Variants in PPP3CA observed in about 807,000 individuals in gnomAD.
The protein encoded by PPP3CA is CAM-PRP catalytic subunit.
A neutral mutation model predicts 66.5 loss-of-function variants in PPP3CA; 14 were observed. The ratio of observed to expected loss-of-function variants is 0.21; its 90% CI spans 0.14 to 0.33. The LOEUF is 0.33. PPP3CA is among the 10% of genes least tolerant of loss of function. PPP3CA has a pLI of 1.00. For missense variants in PPP3CA, 317 were observed against 639.5 expected (o/e 0.50, Z 5.44); for synonymous variants, 232 against 226.2 (o/e 1.03, Z -0.23).
At position 101,201,922 on chromosome 4, in the gene PPP3CA, T is replaced by A. The variant is rs535386774; in HGVS notation, c.59-5806A>T. Among the ~76,000 whole-genome samples, 15 of 152,268 alleles carry A rather than the reference T, an allele frequency of 9.9e-5. No homozygotes were observed. In the East Asian group the frequency reaches 2.7e-3, roughly 27 times the overall value. ...GGCACCAACTATGCACTGTATCCCA[T>A]GCTAGGCAGTGAGAGGAGCAGGAAG... On this transcript the variant is annotated intron_variant, in intron 1 of 13. Transcript: ENST00000394854.
At chr4:101,217,317 G>A (rs1246323529) in intron 1 of PPP3CA, among the ~76,000 whole-genome samples, 1 of 152,132 alleles carries the variant, frequency 6.6e-6, no homozygotes, top group Non-Finnish European at 1.5e-5. Context: ...CTACTATTAA[G>A]TAGCAGAGTT....
At chr4:101,035,423 C>T (rs1033393318) in intron 11 of PPP3CA, among the ~76,000 whole-genome samples, 1 of 152,162 alleles carries the variant, frequency 6.6e-6, no homozygotes, top group African/African-American at 2.4e-5. Context: ...TTTTAATCTT[C>T]AAAATTTTAA....
intron 2 of PPP3CA, among the ~76,000 whole-genome samples, chr4:101,152,102 T>C (rs373117420): frequency 2.6e-5 from 4 of 152,244 alleles, no homozygotes; most frequent in Admixed American, 2.0e-4. Flanking sequence ...TTCCGAATAT[T>C]TGAAGAAAGC....
rs559501573 is a variant in PPP3CA at position 101,219,583 on chromosome 4, AATT to A, written c.59-23470_59-23468del. 4.4e-3 allele frequency among the ~76,000 whole-genome samples: 669 copies of A among 152,012 alleles called. 4 individuals carry two copies. Among genetic ancestry groups the A allele is most frequent in the African/African-American group, 0.015 (633 of 41,530 alleles). ...GTAATTTATTTCAAATGAGGTATTA[AATT>A]ATATTATTCTCAACCATCCATGGTG... On this transcript the variant is annotated intron_variant, in intron 1 of 13. Coordinates refer to ENST00000394854, the MANE Select transcript of PPP3CA (RefSeq NM_000944.5).
At chr4:101,251,878 A>C (rs1048019408) in intron 1 of PPP3CA, among the ~76,000 whole-genome samples, 26 of 152,158 alleles carry the variant, frequency 1.7e-4, no homozygotes, top group African/African-American at 5.8e-4. Flanking sequence ...TAGATACCAA[A>C]GGTACTGACT....
intron 1 of PPP3CA, among the ~76,000 whole-genome samples, chr4:101,268,684 T>C (rs552009692): frequency 6.6e-6 from 1 of 152,228 alleles, no homozygotes; most frequent in East Asian, 1.9e-4. Flanking sequence ...CTATAGCATA[T>C]TATTTATACT....
chr4:101,225,647 CAG>C (rs1725757857), intron 1 of PPP3CA, among the ~76,000 whole-genome samples: 3 of 151,674 alleles, frequency 2.0e-5, no homozygotes, highest in Admixed American at 1.3e-4. Flanking sequence ...CAATGGTAAA[CAG>C]AGATTTTCTG....
intron 2 of PPP3CA, among the ~76,000 whole-genome samples, chr4:101,128,712 G>A (rs1025031706): frequency 2.0e-5 from 3 of 151,924 alleles, no homozygotes; most frequent in Admixed American, 6.6e-5. Flanking sequence ...AGTGCTCTCC[G>A]GCCCAGATAC....
intron 11 of PPP3CA, among the ~76,000 whole-genome samples, chr4:101,035,934 C>T (rs1467208951): frequency 6.6e-6 from 1 of 152,168 alleles, no homozygotes; most frequent in Non-Finnish European, 1.5e-5. Context: ...GACATCTTTT[C>T]AGTTCCTAGG....
intron 1 of PPP3CA, among the ~76,000 whole-genome samples, chr4:101,303,803 T>C (rs560589106): frequency 1.4e-4 from 21 of 152,278 alleles, no homozygotes; most frequent in African/African-American, 4.8e-4. Context: ...TTAGAAGCAC[T>C]GGCAATTGGA....
chr4:101,105,168 CTT>C (rs1378147435), intron 3 of PPP3CA, among the ~76,000 whole-genome samples: 2 of 143,038 alleles, frequency 1.4e-5, no homozygotes. Flanking sequence ...CTTTTTTTTC[CTT>C]TTTTTTTTTT....
At chr4:101,069,119 C>T (rs1446358915) in intron 8 of PPP3CA, among the ~76,000 whole-genome samples, 3 of 152,072 alleles carry the variant, frequency 2.0e-5, no homozygotes, top group South Asian at 4.2e-4. Flanking sequence ...ACTGCAGTTT[C>T]GAACTCCTGG....
intron 1 of PPP3CA, among the ~76,000 whole-genome samples, chr4:101,268,400 C>A (rs1727234309): frequency 6.6e-6 from 1 of 152,060 alleles, no homozygotes; most frequent in Non-Finnish European, 1.5e-5. Context: ...AATTCGTAGG[C>A]CTTCAACAAT....
At chr4:101,116,764 A>C (rs1443232334) in intron 2 of PPP3CA, among the ~76,000 whole-genome samples, 1 of 151,926 alleles carries the variant, frequency 6.6e-6, no homozygotes, top group Non-Finnish European at 1.5e-5. Flanking sequence ...TTTACTAAAG[A>C]GGTATATTTC....
intron 1 of PPP3CA, among the ~76,000 whole-genome samples, chr4:101,207,223 G>A (rs990176202): frequency 6.6e-6 from 1 of 152,010 alleles, no homozygotes; most frequent in Non-Finnish European, 1.5e-5. Context: ...CTATCACATG[G>A]GATTTCAGAA....
intron 1 of PPP3CA, among the ~76,000 whole-genome samples, chr4:101,197,319 T>C (rs1724830388): frequency 6.6e-6 from 1 of 152,212 alleles, no homozygotes; most frequent in Admixed American, 6.5e-5. Context: ...AGTTAAATTA[T>C]AACTAACAGA....
intron 1 of PPP3CA, among the ~76,000 whole-genome samples, chr4:101,262,476 T>G (rs1230473353): frequency 6.6e-6 from 1 of 152,124 alleles, no homozygotes; most frequent in Non-Finnish European, 1.5e-5. Flanking sequence ...TAGCAACAAG[T>G]GGATGCTTAT....
intron 1 of PPP3CA, among the ~76,000 whole-genome samples, chr4:101,275,035 T>A (rs1727446211): frequency 6.6e-6 from 1 of 152,192 alleles, no homozygotes; most frequent in African/African-American, 2.4e-5. Context: ...GTGATTGGGC[T>A]CCAAAAAGTT....
At chr4:101,099,291 G>A (rs1341158254) in intron 4 of PPP3CA, among the ~76,000 whole-genome samples, 2 of 152,034 alleles carry the variant, frequency 1.3e-5, no homozygotes, top group African/African-American at 2.4e-5. Flanking sequence ...CTCCATTTGC[G>A]TTTTTTGAGT....
Sources: gnomAD v4.1 joint callset for allele counts (sites outside exome capture counted in the v4.1 genomes callset) on GRCh38, gnomAD v4.1.1 for gene constraint, MANE v1.5 for transcripts, NCBI Gene and HGNC (gene_info 2026-07-23, HGNC 2026-07-21) for gene names.